Variants in ZBTB20 observed in about 807,000 individuals in gnomAD.
The protein encoded by ZBTB20 is zinc finger and BTB domain containing 20.
ZBTB20 carries 9 observed loss-of-function variants against 56.9 expected under a neutral mutation model. The observed-to-expected ratio is 0.16, with a 90% CI of 0.10 to 0.28. The LOEUF is 0.28. ZBTB20 is among the 10% of genes least tolerant of loss of function. ZBTB20 has a pLI of 1.00. For missense variants in ZBTB20, 655 were observed against 1,003.0 expected (o/e 0.65, Z 4.69); for synonymous variants, 417 against 420.7 (o/e 0.99, Z 0.11).
intron 2 of ZBTB20, among the ~76,000 whole-genome samples, chr3:115,061,214 G>C (rs2082000120): frequency 6.6e-6 from 1 of 152,034 alleles, no homozygotes. Context: ...TATTAAATGA[G>C]AATAAGTGAA....
intron 3 of ZBTB20, among the ~76,000 whole-genome samples, chr3:114,924,034 C>T (rs914356331): frequency 2.6e-5 from 4 of 152,214 alleles, no homozygotes; most frequent in African/African-American, 9.6e-5. Flanking sequence ...CACCTCATGC[C>T]TGTCAGAAGG....
At chr3:115,121,837 C>A (rs1015596991) in intron 1 of ZBTB20, among the ~76,000 whole-genome samples, 3 of 152,070 alleles carry the variant, frequency 2.0e-5, no homozygotes, top group African/African-American at 7.2e-5. Context: ...ATAACCAAGT[C>A]TTAGTTTATT....
At chr3:115,141,364 A>G (rs1442410881) in intron 1 of ZBTB20, among the ~76,000 whole-genome samples, 2 of 152,214 alleles carry the variant, frequency 1.3e-5, no homozygotes, top group African/African-American at 2.4e-5. Flanking sequence ...GGTTTGAAAT[A>G]CAAGGCTTGA....
chr3:114,708,350 G>A (rs991156970), intron 5 of ZBTB20, among the ~76,000 whole-genome samples: 26 of 151,998 alleles, frequency 1.7e-4, no homozygotes, highest in African/African-American at 4.8e-4. Context: ...TGTTACCACC[G>A]AAAAAATAAA....
At chr3:114,378,059 C>T (rs1169037984) in intron 10 of ZBTB20, among the ~76,000 whole-genome samples, 1 of 151,606 alleles carries the variant, frequency 6.6e-6, no homozygotes, top group Non-Finnish European at 1.5e-5. Context: ...AGAAATTAGG[C>T]TTTTAAATTA....
At chr3:114,986,642 T>C (rs543203963) in intron 2 of ZBTB20, among the ~76,000 whole-genome samples, 51 of 152,256 alleles carry the variant, frequency 3.3e-4, no homozygotes, top group African/African-American at 1.2e-3. Context: ...AATTTCCCAA[T>C]TGGAATATAC....
At chr3:114,808,020 T>C (rs1269134707) in intron 4 of ZBTB20, among the ~76,000 whole-genome samples, 1 of 152,124 alleles carries the variant, frequency 6.6e-6, no homozygotes, top group African/African-American at 2.4e-5. Context: ...AAAGATGACC[T>C]TTCTTGCTCT....
At chr3:114,438,962 A>G (rs2090726670) in intron 7 of ZBTB20, among the ~76,000 whole-genome samples, 2 of 152,032 alleles carry the variant, frequency 1.3e-5, no homozygotes, top group South Asian at 4.1e-4. Flanking sequence ...CAACTCTCAA[A>G]ACTCTCAGTT....
chr3:114,389,794 C>T (rs1036380952), intron 7 of ZBTB20, among the ~76,000 whole-genome samples: 4 of 142,578 alleles, frequency 2.8e-5, no homozygotes, highest in Non-Finnish European at 6.0e-5. Flanking sequence ...GAGGCTGAGG[C>T]AGGGGAATCG....
intron 7 of ZBTB20, among the ~76,000 whole-genome samples, chr3:114,481,665 G>A (rs2041561801): frequency 6.6e-6 from 1 of 152,152 alleles, no homozygotes; most frequent in South Asian, 2.1e-4. Flanking sequence ...GTTTCTTGCT[G>A]CATTACAGAC....
chr3:114,909,922 A>G (rs1388137110), intron 3 of ZBTB20, among the ~76,000 whole-genome samples: 3 of 152,078 alleles, frequency 2.0e-5, no homozygotes, highest in African/African-American at 7.2e-5. Flanking sequence ...GTAAAAGCTG[A>G]AACGTAACAA....
intron 6 of ZBTB20, among the ~76,000 whole-genome samples, chr3:114,522,627 T>C (rs1480506089): frequency 1.3e-5 from 2 of 152,042 alleles, no homozygotes; most frequent in African/African-American, 4.8e-5. Flanking sequence ...TAAGAAATGA[T>C]AGTTGCTTGG....
intron 1 of ZBTB20, among the ~76,000 whole-genome samples, chr3:115,097,993 A>C (rs1576772104): frequency 1.3e-5 from 2 of 152,354 alleles, no homozygotes; most frequent in Non-Finnish European, 2.9e-5. Context: ...CATTCTAAAA[A>C]TTAAACCAAA....
chr3:114,885,447 C>A (rs2076566446), intron 4 of ZBTB20, among the ~76,000 whole-genome samples: 2 of 151,944 alleles, frequency 1.3e-5, no homozygotes, highest in South Asian at 4.2e-4. Context: ...GTCTCTCTCT[C>A]GGTCTTCTAG....
intron 7 of ZBTB20, among the ~76,000 whole-genome samples, chr3:114,414,375 T>TG (rs1308942081): frequency 1.3e-5 from 2 of 152,078 alleles, no homozygotes; most frequent in Non-Finnish European, 2.9e-5. Flanking sequence ...ATAGCTGGGT[T>TG]GGGGGAGAAG....
At chr3:114,956,229 G>A (rs2077241830) in intron 3 of ZBTB20, among the ~76,000 whole-genome samples, 1 of 152,114 alleles carries the variant, frequency 6.6e-6, no homozygotes, top group Non-Finnish European at 1.5e-5. Flanking sequence ...TTGTCACTGG[G>A]ACAACACAAC....
intron 7 of ZBTB20, among the ~76,000 whole-genome samples, chr3:114,462,997 A>C (rs2092397033): frequency 6.6e-6 from 1 of 152,174 alleles, no homozygotes; most frequent in South Asian, 2.1e-4. Context: ...TGTGTAGCAA[A>C]GATTCTGTTT....
intron 3 of ZBTB20, among the ~76,000 whole-genome samples, chr3:114,942,656 CTGTT>C (rs1227746190): frequency 6.9e-6 from 1 of 145,728 alleles, no homozygotes; most frequent in East Asian, 1.9e-4. Context: ...ATTTTAAAAA[CTGTT>C]TGAAGGCACC....
chr3:114,428,997 T>C (rs2733413), intron 7 of ZBTB20, among the ~76,000 whole-genome samples: 2,149 of 151,932 alleles, frequency 0.014, 46 homozygotes, highest in African/African-American at 0.049. Flanking sequence ...TACATATATA[T>C]ACAAAAAAAG....
Sources: allele counts gnomAD v4.1 joint callset (sites outside exome capture counted in the v4.1 genomes callset), GRCh38; gene constraint gnomAD v4.1.1; transcripts MANE v1.5; gene names NCBI Gene and HGNC (gene_info 2026-07-23, HGNC 2026-07-21).